DIAPH2: variants seen among roughly 807,000 people sequenced by gnomAD.
DIAPH2 encodes the protein diaphanous related formin 2, also known as protein diaphanous homolog 2.
A neutral mutation model predicts 92.7 loss-of-function variants in DIAPH2; 35 were observed. The observed-to-expected ratio is 0.38, with a 90% confidence interval of 0.29 to 0.50. DIAPH2 has a LOEUF of 0.50. Among genes scored for constraint, DIAPH2 ranks in the 20% least tolerant of loss-of-function variants. DIAPH2 has a pLI of 0.94. For missense variants in DIAPH2, 701 were observed against 819.5 expected (o/e 0.86, Z 1.77); for synonymous variants, 301 against 280.4 (o/e 1.07, Z -0.73).
intron 4 of DIAPH2, among the ~76,000 whole-genome samples, chrX:96,796,579 A>G (rs771387620): frequency 9.0e-6 from 1 of 111,702 alleles, no homozygotes; most frequent in East Asian, 2.8e-4. Flanking sequence ...GATCTCATGT[A>G]TTGGCATATT....
chrX:96,755,525 C>T (rs974380762), intron 3 of DIAPH2, among the ~76,000 whole-genome samples: 11 of 110,108 alleles, frequency 1.0e-4, no homozygotes, highest in South Asian at 3.9e-4. Flanking sequence ...TGGTGGCGGG[C>T]GCCTGTAGTC....
chrX:97,469,913 C>A, intron 26 of DIAPH2: 2 of 807,261 alleles, frequency 2.5e-6, no homozygotes, highest in Non-Finnish European at 1.7e-6. Flanking sequence ...CCCTTAATAC[C>A]GATTTCATGA....
chrX:96,955,102 T>C (rs2065801811), intron 15 of DIAPH2, among the ~76,000 whole-genome samples: 1 of 112,174 alleles, frequency 8.9e-6, no homozygotes, highest in Non-Finnish European at 1.9e-5. Context: ...AAGAAATACC[T>C]GAGACTGGGT....
chrX:96,855,565 GATATAGATATAAATATAA>G (rs1228827718), intron 4 of DIAPH2, among the ~76,000 whole-genome samples: 100 of 108,038 alleles, frequency 9.3e-4, no homozygotes, highest in African/African-American at 3.2e-3. Flanking sequence ...TATAAATATA[GATATAGATATAAATATAA>G]ATATAGATAT....
At chrX:97,525,225 G>C (rs776620842) in intron 26 of DIAPH2, among the ~76,000 whole-genome samples, 2 of 111,930 alleles carry the variant, frequency 1.8e-5, no homozygotes, top group African/African-American at 6.5e-5. Flanking sequence ...TTTACCAACT[G>C]TTGCTGAGAC....
chrX:96,913,381 G>A (rs780897529), intron 7 of DIAPH2, among the ~76,000 whole-genome samples: 1 of 111,571 alleles, frequency 9.0e-6, no homozygotes, highest in Non-Finnish European at 1.9e-5. Context: ...GAACAAAATA[G>A]TGAGTGCTTG....
At chrX:97,579,644 G>A (rs772471001) in intron 26 of DIAPH2, among the ~76,000 whole-genome samples, 2 of 110,498 alleles carry the variant, frequency 1.8e-5, no homozygotes, top group South Asian at 3.9e-4. Context: ...TTGTCTTGGC[G>A]ATGCGGGCTC....
intron 23 of DIAPH2, among the ~76,000 whole-genome samples, chrX:97,293,473 T>G (rs1385760342): frequency 9.1e-6 from 1 of 110,220 alleles, no homozygotes; most frequent in Non-Finnish European, 1.9e-5. Flanking sequence ...GGATGGTCTC[T>G]GTCTCCTGAC....
chrX:97,145,325 G>GTAGTAGTGGTA (rs1569312319), intron 22 of DIAPH2, among the ~76,000 whole-genome samples: 1 of 13,562 alleles, frequency 7.4e-5, no homozygotes, highest in Admixed American at 7.2e-4. Flanking sequence ...TAGTAGTAGT[G>GTAGTAGTGGTA]GTAGTAGTAG....
intron 23 of DIAPH2, among the ~76,000 whole-genome samples, chrX:97,291,596 G>T (rs765553724): frequency 1.9e-5 from 2 of 106,653 alleles, no homozygotes; most frequent in Non-Finnish European, 3.9e-5. Context: ...GCAGTGGCGC[G>T]TTCTGGGCTC....
intron 4 of DIAPH2, among the ~76,000 whole-genome samples, chrX:96,767,696 A>G (rs1212243338): frequency 9.0e-6 from 1 of 111,547 alleles, no homozygotes; most frequent in African/African-American, 3.3e-5. Context: ...GAAAAATGGG[A>G]TTTATTCTGG....
At chrX:96,838,867 T>A (rs752407192) in intron 4 of DIAPH2, among the ~76,000 whole-genome samples, 1 of 112,063 alleles carries the variant, frequency 8.9e-6, no homozygotes, top group Non-Finnish European at 1.9e-5. Context: ...AGGAGCTAGG[T>A]CTATGCAGAA....
At chrX:97,398,322 G>A (rs932971025) in intron 25 of DIAPH2, among the ~76,000 whole-genome samples, 1 of 111,911 alleles carries the variant, frequency 8.9e-6, no homozygotes, top group Non-Finnish European at 1.9e-5. Context: ...AGGGGAAATC[G>A]AGATTGAGCT....
rs376879284 is a variant in DIAPH2 at position 96,910,810 on chromosome X, C to T, written c.588-1518C>T. On this transcript the variant is annotated intron_variant, in intron 5 of 26. Transcript: ENST00000324765. ...AACTATCTTTAGAGAATTTACATGC[C>T]AAAGGGGTAGGTAAGACATGGCAAG... Among the ~76,000 whole-genome samples the T allele has an allele frequency of 5.4e-5, 6 of 110,323 alleles. No homozygotes were observed. The East Asian group carries it at 1.4e-3, about 26-fold the overall frequency.
intron 22 of DIAPH2, among the ~76,000 whole-genome samples, chrX:97,230,972 G>A (rs747402314): frequency 4.4e-5 from 5 of 112,609 alleles, no homozygotes; most frequent in Non-Finnish European, 9.4e-5. Flanking sequence ...TGTAAAGGAA[G>A]CGGGAATTGG....
intron 23 of DIAPH2, among the ~76,000 whole-genome samples, chrX:97,321,391 C>G (rs1459792959): frequency 9.1e-6 from 1 of 109,689 alleles, no homozygotes; most frequent in African/African-American, 3.3e-5. Context: ...GTTATTTTCC[C>G]TAATATTTAT....
At chrX:96,811,600 G>A (rs927903399) in intron 4 of DIAPH2, among the ~76,000 whole-genome samples, 10 of 111,607 alleles carry the variant, frequency 9.0e-5, no homozygotes, top group Non-Finnish European at 1.9e-4. Context: ...TCTTGTGCCA[G>A]TTTTCAAAGG....
chrX:96,846,782 TA>T (rs1169335191), intron 4 of DIAPH2, among the ~76,000 whole-genome samples: 8 of 109,532 alleles, frequency 7.3e-5, no homozygotes, highest in African/African-American at 2.3e-4. Context: ...TTTTTTTTTT[TA>T]AAGAAATCTG....
At chrX:96,749,145 A>AT (rs1556122921) in intron 3 of DIAPH2, among the ~76,000 whole-genome samples, 38 of 79,806 alleles carry the variant, frequency 4.8e-4, no homozygotes, top group Middle Eastern at 8.8e-3. Context: ...AAAAAAAAAA[A>AT]ATATATATAT....
Sources: allele counts gnomAD v4.1 joint callset (sites outside exome capture counted in the v4.1 genomes callset), GRCh38; gene constraint gnomAD v4.1.1; transcripts MANE v1.5; gene names NCBI Gene and HGNC (gene_info 2026-07-23, HGNC 2026-07-21).